Variants in EFCAB8 observed in about 807,000 individuals in gnomAD.
EFCAB8 encodes EF-hand calcium-binding domain-containing protein 8.
Under a neutral mutation model 116.3 loss-of-function variants are expected in EFCAB8, and 100 were observed. That is an observed-to-expected ratio of 0.86 (90% CI 0.73 to 1.02). EFCAB8 has a LOEUF of 1.02. Ranked by LOEUF, EFCAB8 falls within the 50% of genes least tolerant of loss-of-function variation. The pLI, the probability that EFCAB8 is intolerant of heterozygous loss-of-function variation, is 0.00. For missense variants in EFCAB8, 1,320 were observed against 1,416.9 expected, an observed-to-expected ratio of 0.93 and a Z score of 1.10; for synonymous variants, 558 against 567.9, an observed-to-expected ratio of 0.98 and a Z score of 0.25.
chr20:32,863,965 G>A (rs1984259518), intron 2 of EFCAB8, 131 bp downstream of exon 2: 3 of 1,039,004 alleles, frequency 2.9e-6, no homozygotes, highest in Non-Finnish European at 2.7e-6. Flanking sequence ...TATTTACTGG[G>A]CAGGTAACTT....
intron 22 of EFCAB8, among the ~76,000 whole-genome samples, chr20:32,940,221 AAGAC>A (rs1046287399): frequency 6.7e-6 from 1 of 149,358 alleles, no homozygotes; most frequent in African/African-American, 2.5e-5. Flanking sequence ...GGCATAAAGA[AAGAC>A]ATGTAAATCA....
chr20:32,909,652 G>C (rs1371003469), intron 14 of EFCAB8, among the ~76,000 whole-genome samples, 169 bp from the exon 15 acceptor site: 1 of 152,118 alleles, frequency 6.6e-6, no homozygotes, highest in Non-Finnish European at 1.5e-5. Context: ...GGAGTAGGGT[G>C]GGGGTATCTG....
At chr20:32,884,261 A>G (rs190619677) in intron 5 of EFCAB8, among the ~76,000 whole-genome samples, 1 of 152,316 alleles carries the variant, frequency 6.6e-6, no homozygotes, top group African/African-American at 2.4e-5. Flanking sequence ...GGCCGGGTGC[A>G]CCAAATGCAG....
At position 32,931,284 on chromosome 20, in the gene EFCAB8, CTCAGCAACTTG is replaced by C; in HGVS notation, c.2739_2749del (p.Gln914AspfsTer12). On this transcript the variant is annotated frameshift_variant, in exon 22 of 27. Transcript: ENST00000400522. LOFTEE classifies it high-confidence loss of function. ...CACAACAAGTTCCGGTTGTTAATTC[CTCAGCAACTTG>C]GGACCAACTTCCCACACTACATTCC... The C allele has an allele frequency of 6.4e-7, 1 of 1,551,594 alleles. No homozygotes were observed. The highest frequency in any genetic ancestry group is 8.7e-7 in the Non-Finnish European group (1 of 1,146,896).
chr20:32,951,245 T>C (rs186948493), intron 23 of EFCAB8, among the ~76,000 whole-genome samples: 162 of 152,332 alleles, frequency 1.1e-3, no homozygotes, highest in Non-Finnish European at 1.8e-4. Context: ...TTCACAGCAG[T>C]ATTTTTTTGT....
intron 24 of EFCAB8, among the ~76,000 whole-genome samples, chr20:32,959,577 C>T (rs971954361): frequency 2.0e-5 from 3 of 152,144 alleles, no homozygotes; most frequent in Non-Finnish European, 4.4e-5. Context: ...AGTGGCAGGA[C>T]TGCTGGGCCA....
intron 20 of EFCAB8, among the ~76,000 whole-genome samples, chr20:32,921,439 C>T (rs947312561): frequency 1.3e-5 from 2 of 151,706 alleles, no homozygotes; most frequent in African/African-American, 4.8e-5. Flanking sequence ...TGGTCTCGAA[C>T]TCCTGGGCTC....
intron 6 of EFCAB8, among the ~76,000 whole-genome samples, chr20:32,886,600 G>C (rs1364003998): frequency 6.6e-6 from 1 of 152,112 alleles, no homozygotes; most frequent in Non-Finnish European, 1.5e-5. Flanking sequence ...GCACCAAGGG[G>C]GAGTCACGAT....
chr20:32,888,537 G>A (rs1985749437), intron 6 of EFCAB8, among the ~76,000 whole-genome samples: 1 of 151,786 alleles, frequency 6.6e-6, no homozygotes, highest in Non-Finnish European at 1.5e-5. Context: ...TGTTAATTTT[G>A]TAGAGATGGG....
chr20:32,959,754 T>G (rs1989080071), intron 24 of EFCAB8, 24 bp from the exon 25 acceptor site: 1 of 1,447,726 alleles, frequency 6.9e-7, no homozygotes, highest in African/African-American at 1.4e-5. Flanking sequence ...GGGGACATCT[T>G]GTGAAGGAAA....
rs989538513 is a variant in EFCAB8, at chr20:32,906,907, G to T, written c.1221G>T (p.Trp407Cys). ...WNPFVSKRPV[W>C]LMKGHQTSVT... ...CCTTTGTCTCAAAGAGGCCCGTGTG[G>T]CTGATGAAGGGACACCAGACCTCAG... Residue 407 changes from tryptophan to cysteine, a missense_variant, in exon 13 of 27, where the codon TGG (tryptophan) becomes TGT (cysteine). Trp to Cys is a radical substitution (Grantham distance 215). Transcript: ENST00000400522. 2.6e-6 allele frequency: 4 copies of T among 1,551,382 alleles called. No homozygotes were observed. Among genetic ancestry groups the T allele is most frequent in the Admixed American group, 3.9e-5 (2 of 50,962 alleles).
At chr20:32,876,328 C>T (rs1213629553) in intron 4 of EFCAB8, among the ~76,000 whole-genome samples, 1 of 152,230 alleles carries the variant, frequency 6.6e-6, no homozygotes, top group Non-Finnish European at 1.5e-5. Flanking sequence ...CTGTGGTGCC[C>T]ACCAACCTCC....
chr20:32,901,884 C>T (rs577531124), intron 11 of EFCAB8, among the ~76,000 whole-genome samples: 26 of 152,312 alleles, frequency 1.7e-4, no homozygotes, highest in Non-Finnish European at 3.5e-4. Context: ...GACGGGGTTT[C>T]ACCATGTTGG....
chr20:32,938,142 G>A (rs1181257381), intron 22 of EFCAB8, among the ~76,000 whole-genome samples: 3 of 149,910 alleles, frequency 2.0e-5, no homozygotes, highest in African/African-American at 7.4e-5. Context: ...TCCCAGGAAT[G>A]CAAAGTTGGC....
At chr20:32,860,405 A>G (rs538736065) in intron 1 of EFCAB8, among the ~76,000 whole-genome samples, 4 of 151,940 alleles carry the variant, frequency 2.6e-5, no homozygotes, top group Admixed American at 1.3e-4. Flanking sequence ...TTTTTTGGCA[A>G]TAATACTACT....
chr20:32,859,275 C>T lies in EFCAB8; in HGVS notation c.-11+269C>T, dbSNP rs554731922. Among the ~76,000 whole-genome samples, 31 of 152,302 alleles carry T rather than the reference C, an allele frequency of 2.0e-4. 1 individual carries two copies. The highest frequency in any genetic ancestry group is 7.0e-4 in the African/African-American group (29 of 41,564). On this transcript the variant is annotated intron_variant, in intron 1 of 26. Coordinates refer to ENST00000400522, the MANE Select transcript of EFCAB8 (RefSeq NM_001143967.2). Reference sequence around the variant, plus strand: ...CACCTGCCTTGCCCTGCCCCTCTTCCGTCAGCTCCGGACAGGTCAACTTTA... The same window carrying T: ...CACCTGCCTTGCCCTGCCCCTCTTCTGTCAGCTCCGGACAGGTCAACTTTA...
chr20:32,890,000 TAA>T (rs35488921), intron 7 of EFCAB8, among the ~76,000 whole-genome samples: 1,437 of 113,462 alleles, frequency 0.013, 11 homozygotes, highest in African/African-American at 0.023. Flanking sequence ...GACTCAGTCT[TAA>T]AAAAAAAAAA....
chr20:32,961,570 C>T lies in EFCAB8; in HGVS notation c.3828C>T (p.Phe1276=), dbSNP rs986722441. ...ERPPRPLKAT[F]MSSVKGSSHV... ...CCCCAAGGCCTCTGAAGGCCACCTT[C>T]ATGTCCTCTGTGAAGGGGAGCTCCC... Residue 1276 remains phenylalanine (F), a synonymous_variant, in exon 27 of 27, where the codon TTC becomes TTT. Transcript: ENST00000400522. 1 of 1,385,206 alleles carries T rather than the reference C, an allele frequency of 7.2e-7. No homozygotes were observed. The highest frequency in any genetic ancestry group is 1.4e-5 in the African/African-American group (1 of 68,998). 85.8% of individuals were successfully genotyped at this position (1,385,206 alleles called of 1,614,324 possible).
chr20:32,935,192 C>CTTTCTT (rs1988064158), intron 22 of EFCAB8, among the ~76,000 whole-genome samples: 1 of 34,038 alleles, frequency 2.9e-5, no homozygotes, highest in Non-Finnish European at 4.6e-5. Context: ...TTCTTTCTTT[C>CTTTCTT]TTTTTTTTTT....
Sources: gnomAD v4.1 joint callset for allele counts (sites outside exome capture counted in the v4.1 genomes callset) on GRCh38, gnomAD v4.1.1 for gene constraint, MANE v1.5 for transcripts, NCBI Gene and HGNC (gene_info 2026-07-23, HGNC 2026-07-21) for gene names.